DLAT: variants seen among roughly 807,000 people sequenced by gnomAD.
DLAT encodes the protein dihydrolipoamide S-acetyltransferase.
DLAT carries 43 observed loss-of-function variants against 68.0 expected under a neutral mutation model. The ratio of observed to expected loss-of-function variants is 0.63; its 90% CI spans 0.50 to 0.81. DLAT has a LOEUF of 0.81. DLAT is among the 40% of genes least tolerant of loss of function. The probability of loss-of-function intolerance (pLI) is 0.00; values close to 1 mark genes in which losing one functional copy is unlikely to be tolerated. For missense variants in DLAT, 745 were observed against 815.4 expected (o/e 0.91, Z 1.05); for synonymous variants, 265 against 288.6 (o/e 0.92, Z 0.83).
At chr11:112,032,091 C>A (rs2851189) in intron 4 of DLAT, among the ~76,000 whole-genome samples, 151,668 of 151,668 alleles carry the variant, frequency 1, 75,834 homozygotes, top group Non-Finnish European at 1. Flanking sequence ...CATGATGGCC[C>A]GGCTGGTCTT....
intron 10 of DLAT, among the ~76,000 whole-genome samples, chr11:112,049,423 GTTT>G (rs1288615776): frequency 6.6e-6 from 1 of 151,946 alleles, no homozygotes; most frequent in Non-Finnish European, 1.5e-5. Context: ...TTTTTTTATA[GTTT>G]TTCAGAGTGT....
Position 112,051,502 on chromosome 11 carries a change from T to G in DLAT, c.1514+153T>G, listed in dbSNP as rs942817545. ...CTTGAAAACAACACAAAAATGTTTA[T>G]GAGTTACTGCTTTTTACTTTTTTTT... On this transcript the variant is annotated intron_variant, in intron 11 of 13. Transcript: ENST00000280346. The surrounding 1 kb of genome is among the most constrained non-coding windows in gnomAD (Gnocchi z 4.3). 6.6e-6 allele frequency among the ~76,000 whole-genome samples: 1 copy of G among 152,234 alleles called. No individual in the cohort carries two copies. Among genetic ancestry groups the G allele is most frequent in the Admixed American group, 6.5e-5 (1 of 15,288 alleles).
intron 11 of DLAT, among the ~76,000 whole-genome samples, chr11:112,059,216 C>T (rs1324405663): frequency 1.3e-5 from 2 of 152,144 alleles, no homozygotes; most frequent in Non-Finnish European, 2.9e-5. Flanking sequence ...AGCCAATGTA[C>T]GTCCACTCAA....
At chr11:112,045,368 C>A (rs781790973) in intron 9 of DLAT, 138 bp downstream of exon 9, 50 of 765,526 alleles carry the variant, frequency 6.5e-5, no homozygotes, top group Non-Finnish European at 1.0e-4. Context: ...GAAGTTTTGG[C>A]CAACTGAATA....
chr11:112,039,834 T>C (rs1236775885), intron 7 of DLAT, among the ~76,000 whole-genome samples: 1 of 152,152 alleles, frequency 6.6e-6, no homozygotes, highest in Non-Finnish European at 1.5e-5. Context: ...TAGAGCTCCC[T>C]GAAGGCAAGG....
In DLAT at chr11:112,038,670, C is replaced by T. The variant is rs587768870; in HGVS notation, c.976-574C>T. ...GACCAGCCTGGCCAACATGGTGAAA[C>T]CCCATCTCTACTGAAAATACAAAAA... On this transcript the variant is annotated intron_variant, in intron 6 of 13. Coordinates refer to ENST00000280346, the MANE Select transcript of DLAT (RefSeq NM_001931.5). Among the ~76,000 whole-genome samples, 4 of 150,482 alleles carry T rather than the reference C, an allele frequency of 2.7e-5. No homozygotes were observed. The South Asian group carries it at 8.4e-4, about 32-fold the overall frequency.
At position 112,061,090 on chromosome 11, in the gene DLAT, C is replaced by T. The variant is rs782055677; in HGVS notation, c.1730C>T (p.Ser577Phe). Reference sequence around the variant, plus strand: ...GGAATGTTTGGAATTAAGAATTTCTCTGCTATTATTAACCCACCTCAAGCA... The same window carrying T: ...GGAATGTTTGGAATTAAGAATTTCTTTGCTATTATTAACCCACCTCAAGCA... ...NLGMFGIKNF[S>F]AIINPPQACI... is the part of the protein sequence containing the mutation. The change falls in exon 13 of 14, where the codon TCT (serine) becomes TTT (phenylalanine). Residue 577 changes from serine (S) to phenylalanine (F), a missense_variant. Ser to Phe is a radical substitution (Grantham distance 155, BLOSUM62 -2). Transcript: ENST00000280346. 8 of 1,613,478 alleles carry T rather than the reference C, an allele frequency of 5.0e-6. No homozygotes were observed. In the South Asian group the frequency reaches 8.8e-5, roughly 18 times the overall value.
intron 9 of DLAT, 65 bp from the exon 10 acceptor site, chr11:112,045,798 A>C (rs2137794904): frequency 1.0e-6 from 1 of 980,004 alleles, no homozygotes; most frequent in South Asian, 1.3e-5. Context: ...AGAGACAAAC[A>C]GAGCCCTAAA....
chr11:112,062,655 G>C lies in DLAT; in HGVS notation c.*120G>C. 8.5e-7 allele frequency: 1 copy of C among 1,179,700 alleles called. No individual in the cohort carries two copies. Among genetic ancestry groups the C allele is most frequent in the Non-Finnish European group, 1.2e-6 (1 of 829,804 alleles). 73.1% of individuals were successfully genotyped at this position (1,179,700 alleles called of 1,614,324 possible). A position where few individuals can be genotyped will look rare whatever the true frequency, so the allele number is the denominator to read the frequency against. On this transcript the variant is annotated 3_prime_UTR_variant, in exon 14 of 14. Transcript: ENST00000280346. ...ACCAGTTATTTTTATTATTGAGTCT[G>C]TCCAGATAAGTTATTTATAATGGGC...
In DLAT at chr11:112,063,291, A is replaced by G. The variant is rs782350406; in HGVS notation, c.*756A>G. On this transcript the variant is annotated 3_prime_UTR_variant, in exon 14 of 14. Transcript: ENST00000280346. Reference sequence around the variant, plus strand: ...AATTCAACAGTTACCTCCAAAAAAGAAACATTGTTAATATAATTTAACAGA... The same window carrying G: ...AATTCAACAGTTACCTCCAAAAAAGGAACATTGTTAATATAATTTAACAGA... The G allele has an allele frequency of 6.6e-6, 1 of 152,220 alleles. No homozygotes were observed. The highest frequency in any genetic ancestry group is 2.4e-5 in the African/African-American group (1 of 41,462). 9.4% of individuals were successfully genotyped at this position (152,220 alleles called of 1,614,324 possible). A position where few individuals can be genotyped will look rare whatever the true frequency, so the allele number is the denominator to read the frequency against.
Position 112,064,292 on chromosome 11 carries a change from C to A in DLAT, c.*1757C>A. ...GTTAAAAATTAATCTGAGCTATAAT[C>A]TAAATCGATTCAGTCTCTTACCAGA... On this transcript the variant is annotated 3_prime_UTR_variant, in exon 14 of 14. Coordinates refer to ENST00000280346, the MANE Select transcript of DLAT (RefSeq NM_001931.5). 7.6e-7 allele frequency: 1 copy of A among 1,317,282 alleles called. No individual in the cohort carries two copies. The highest frequency in any genetic ancestry group is 1.0e-6 in the Non-Finnish European group (1 of 979,062). The allele number at this position is 1,317,282 out of a possible 1,614,324, so 81.6% of individuals were successfully genotyped here. A position where few individuals can be genotyped will look rare whatever the true frequency, so the allele number is the denominator to read the frequency against.
intron 11 of DLAT, among the ~76,000 whole-genome samples, chr11:112,058,637 A>AGGG: frequency 7.2e-6 from 1 of 138,284 alleles, no homozygotes; most frequent in Admixed American, 7.2e-5. Flanking sequence ...GGGGGGGGGA[A>AGGG]TCACCTTTTT....
At chr11:112,028,348 G>A (rs1179716007) in intron 2 of DLAT, among the ~76,000 whole-genome samples, 167 bp from the exon 3 acceptor site, 2 of 151,244 alleles carry the variant, frequency 1.3e-5, no homozygotes, top group African/African-American at 4.9e-5. Context: ...GAACCTGGGA[G>A]GGGGAGGTTG....
intron 10 of DLAT, among the ~76,000 whole-genome samples, chr11:112,050,377 G>A (rs186489357): frequency 1.9e-4 from 28 of 150,342 alleles, no homozygotes; most frequent in African/African-American, 5.4e-4. Flanking sequence ...GGCTAATCCC[G>A]GCCTTACAGA....
At chr11:112,047,502 C>T (rs1287659856) in intron 10 of DLAT, among the ~76,000 whole-genome samples, 1 of 152,146 alleles carries the variant, frequency 6.6e-6, no homozygotes, top group East Asian at 1.9e-4. Flanking sequence ...GCTTTTGTTG[C>T]CATTGCTTTT....
At chr11:112,059,274 G>A (rs934504748) in intron 11 of DLAT, among the ~76,000 whole-genome samples, 2 of 151,962 alleles carry the variant, frequency 1.3e-5, no homozygotes, top group Non-Finnish European at 2.9e-5. Flanking sequence ...CTGCATTCAC[G>A]TGTCGGTCAA....
Position 112,025,581 on chromosome 11 carries a change from C to G in DLAT, c.109C>G (p.Arg37Gly), listed in dbSNP as rs183829292. The stretch of plus-strand genomic sequence containing the variant: ...ACCCGGAACTCCACGAGTGACCTCG[C>G]GATCTGGCCCGGCTCCCGCTCGTCG... ...EVPGTPRVTS[R>G]SGPAPARRNS... The change falls in exon 1 of 14, where the codon CGA becomes GGA. Residue 37 changes from arginine (R) to glycine (G), a missense_variant. By Grantham distance (125) the Arg-to-Gly change is moderately radical. Transcript: ENST00000280346. 4.6e-5 allele frequency: 75 copies of G among 1,613,950 alleles called. No homozygotes were observed. The African/African-American group carries it at 8.9e-4, about 19-fold the overall frequency.
chr11:112,054,700 T>TA (rs1176532316), intron 11 of DLAT, among the ~76,000 whole-genome samples: 34 of 152,376 alleles, frequency 2.2e-4, no homozygotes, highest in African/African-American at 8.2e-4. Flanking sequence ...CTGCCATTAT[T>TA]AATGACCACA....
intron 4 of DLAT, among the ~76,000 whole-genome samples, chr11:112,031,019 AATT>A (rs1862364175): frequency 6.6e-6 from 1 of 152,176 alleles, no homozygotes; most frequent in African/African-American, 2.4e-5. Flanking sequence ...GTTTTACCTT[AATT>A]ATTCTTTAAG....
Sources: allele counts gnomAD v4.1 joint callset (sites outside exome capture counted in the v4.1 genomes callset), GRCh38; gene constraint gnomAD v4.1.1; non-coding constraint Gnocchi (gnomAD v3.1); transcripts MANE v1.5; gene names NCBI Gene and HGNC (gene_info 2026-07-23, HGNC 2026-07-21).